Variants in NAB1 observed in about 807,000 individuals in gnomAD.
NAB1 encodes the protein NGFI-A binding protein 1.
Under a neutral mutation model 49.9 loss-of-function variants are expected in NAB1, and 25 were observed. The observed-to-expected ratio is 0.50, with a 90% CI of 0.37 to 0.70. NAB1 has a LOEUF of 0.70. Ranked by LOEUF, NAB1 falls within the 30% of genes least tolerant of loss-of-function variation. NAB1 has a pLI of 0.00. For missense variants in NAB1, 489 were observed against 575.9 expected, an observed-to-expected ratio of 0.85 and a Z score of 1.54; for synonymous variants, 198 against 215.6, an observed-to-expected ratio of 0.92 and a Z score of 0.71.
At chr2:190,661,505 TAC>T (rs1244063645) in intron 4 of NAB1, among the ~76,000 whole-genome samples, 5 of 152,216 alleles carry the variant, frequency 3.3e-5, no homozygotes, top group Non-Finnish European at 7.4e-5. Context: ...TGAGTCGAAA[TAC>T]ATGTGTTTTT....
rs996852372 is a variant in NAB1 at position 190,666,469 on chromosome 2, G to A, written c.820-3857G>A. Among the ~76,000 whole-genome samples the A allele has an allele frequency of 2.0e-5, 3 of 152,198 alleles. No homozygotes were observed. Among genetic ancestry groups the A allele is most frequent in the African/African-American group, 7.2e-5 (3 of 41,436 alleles). Reference sequence around the variant, plus strand: ...CGCCTGTAATCCCAGCACTTTGGGAGGCCAAGGTGGGTGGATTGCTTGAGG... The same window carrying A: ...CGCCTGTAATCCCAGCACTTTGGGAAGCCAAGGTGGGTGGATTGCTTGAGG... On this transcript the variant is annotated intron_variant, in intron 4 of 9. Transcript: ENST00000337386. This position sits in a 1 kb window ranked among gnomAD's most constrained non-coding sequence, Gnocchi z 5.6.
intron 6 of NAB1, among the ~76,000 whole-genome samples, chr2:190,681,230 T>C (rs967371443): frequency 6.6e-6 from 1 of 152,212 alleles, no homozygotes; most frequent in Non-Finnish European, 1.5e-5. Context: ...TTGTCTGTGA[T>C]GAAGATTAAA....
intron 5 of NAB1, among the ~76,000 whole-genome samples, chr2:190,671,995 CG>C (rs1271010114): frequency 1.3e-5 from 2 of 152,010 alleles, no homozygotes; most frequent in African/African-American, 4.8e-5. Context: ...AGGATGGTCT[CG>C]ATCTCTTGAC....
chr2:190,659,021 G>A lies in NAB1; in HGVS notation c.-19-137G>A, dbSNP rs1316106840. ...TTCAGAATGAGATAAAGTATGTAGAGAGAATGCTGCCTTCACAGGCAGTCA... is the reference window on the plus strand; with the variant it reads ...TTCAGAATGAGATAAAGTATGTAGAAAGAATGCTGCCTTCACAGGCAGTCA... On this transcript the variant is annotated intron_variant, in intron 3 of 9. Transcript: ENST00000337386. The surrounding 1 kb of genome is among the most constrained non-coding windows in gnomAD (Gnocchi z 6.2). The A allele has an allele frequency of 8.2e-6, 5 of 613,206 alleles. No individual in the cohort carries two copies. The highest frequency in any genetic ancestry group is 1.8e-5 in the African/African-American group (1 of 54,152). 38.0% of individuals were successfully genotyped at this position (613,206 alleles called of 1,614,324 possible). A position where few individuals can be genotyped will look rare whatever the true frequency, so the allele number is the denominator to read the frequency against.
At chr2:190,664,992 T>C (rs1694439428) in intron 4 of NAB1, among the ~76,000 whole-genome samples, 1 of 152,188 alleles carries the variant, frequency 6.6e-6, no homozygotes, top group Non-Finnish European at 1.5e-5. Context: ...ATTAGCTTCC[T>C]TCTATCGAAA....
chr2:190,653,554 G>A (rs1349639212), intron 2 of NAB1, among the ~76,000 whole-genome samples: 1 of 152,132 alleles, frequency 6.6e-6, no homozygotes, highest in Non-Finnish European at 1.5e-5. Flanking sequence ...CCCACTCCTG[G>A]AAGTGTGTTC....
At position 190,659,736 on chromosome 2, in the gene NAB1, G is replaced by T; in HGVS notation, c.560G>T (p.Ser187Ile). Reference protein sequence around the residue: ...DLGSPASPKESSEALDAAAAL... With the variant: ...DLGSPASPKEISEALDAAAAL... ...GGCTCCCCCGCGTCCCCAAAGGAGA[G>T]CAGTGAGGCGCTGGATGCTGCTGCT... is the stretch of plus-strand genomic sequence containing the variant. Residue 187 changes from serine (S) to isoleucine (I), a missense_variant, in exon 4 of 10, where the codon AGC (serine) becomes ATC (isoleucine). Physicochemically the swap from Ser to Ile is moderately radical, Grantham distance 142. Around this residue, in one of 4 missense-constraint regions of NAB1, gnomAD observed 204 missense variants for 220.9 expected, o/e 0.92. Coordinates refer to ENST00000337386, the MANE Select transcript of NAB1 (RefSeq NM_005966.4). The surrounding 1 kb of genome is among the most constrained non-coding windows in gnomAD (Gnocchi z 6.2). The T allele has an allele frequency of 1.2e-6, 2 of 1,614,038 alleles. No individual in the cohort carries two copies. The highest frequency in any genetic ancestry group is 1.7e-6 in the Non-Finnish European group (2 of 1,179,956).
At chr2:190,661,671 T>C (rs1034781212) in intron 4 of NAB1, among the ~76,000 whole-genome samples, 2 of 152,176 alleles carry the variant, frequency 1.3e-5, no homozygotes, top group Admixed American at 6.5e-5. Flanking sequence ...TAGGTACATA[T>C]GATATTTAAG....
rs1329090390 is a variant in NAB1 at position 190,682,893 on chromosome 2, G to A, written c.1006-845G>A. The stretch of plus-strand genomic sequence containing the variant: ...TATAGGTTTAGCGAAAGTACATAAG[G>A]CACAAAAATATCATCTCTGCAGTAA... On this transcript the variant is annotated intron_variant, in intron 6 of 9. Transcript: ENST00000337386. This position sits in a 1 kb window ranked among gnomAD's most constrained non-coding sequence, Gnocchi z 4.1. Among the ~76,000 whole-genome samples the A allele has an allele frequency of 2.7e-4, 41 of 152,098 alleles. 1 individual carries two copies. The highest frequency in any genetic ancestry group is 2.7e-3 in the Admixed American group (41 of 15,268).
At chr2:190,683,174 A>G (rs1695432982) in intron 6 of NAB1, among the ~76,000 whole-genome samples, 1 of 151,894 alleles carries the variant, frequency 6.6e-6, no homozygotes, top group Non-Finnish European at 1.5e-5. Flanking sequence ...GCAGTGGTGC[A>G]GTCTCGGCTC....
chr2:190,661,580 C>A (rs779871749), intron 4 of NAB1, among the ~76,000 whole-genome samples: 1 of 152,046 alleles, frequency 6.6e-6, no homozygotes. Context: ...AAAAAAAAAT[C>A]ATACCCTACT....
Position 190,686,429 on chromosome 2 carries a change from G to A in NAB1, c.1259-772G>A, listed in dbSNP as rs1467972915. On this transcript the variant is annotated intron_variant, in intron 8 of 9. Transcript: ENST00000337386. This position sits in a 1 kb window ranked among gnomAD's most constrained non-coding sequence, Gnocchi z 5.5. Reference sequence around the variant, plus strand: ...ACTTTTCTAGAGAGTGGTTATTATTGTAAAAAAATAAAAGGATTCCTAGGT... The same window carrying A: ...ACTTTTCTAGAGAGTGGTTATTATTATAAAAAAATAAAAGGATTCCTAGGT... Among the ~76,000 whole-genome samples the A allele has an allele frequency of 6.6e-6, 1 of 152,058 alleles. No homozygotes were observed. The highest frequency in any genetic ancestry group is 1.9e-4 in the East Asian group (1 of 5,192).
rs369917088 is a variant in NAB1 at position 190,690,317 on chromosome 2, C to T, written c.1448C>T (p.Pro483Leu). 123 of 1,610,956 alleles carry T rather than the reference C, an allele frequency of 7.6e-5. No homozygotes were observed. The highest frequency in any genetic ancestry group is 1.0e-4 in the Non-Finnish European group (119 of 1,177,954). ...GAAAAGAAAGTCATCAAAACAGAGC[C>T]TGAAGATTCAAGATAGCTGTGATTT... ...TLEKKVIKTEPEDSR is the reference protein window; with the variant it reads ...TLEKKVIKTELEDSR The change falls in exon 10 of 10, where the codon CCT becomes CTT. Residue 483 changes from proline to leucine, a missense_variant. Pro to Leu is a moderately conservative substitution (Grantham distance 98, BLOSUM62 -3). Coordinates refer to ENST00000337386, the MANE Select transcript of NAB1 (RefSeq NM_005966.4).
Position 190,685,559 on chromosome 2 carries a change from G to A in NAB1, c.1179G>A (p.Arg393=). 6.2e-7 allele frequency: 1 copy of A among 1,614,124 alleles called. No individual in the cohort carries two copies. The highest frequency in any genetic ancestry group is 8.5e-7 in the Non-Finnish European group (1 of 1,179,998). ...AGAGACTGCAGCATGCCGAGAGGAG[G>A]TTGTCTGCAGGGCTTTACAGGCAGA... ...GYERLQHAER[R]LSAGLYRQSS... Residue 393 remains arginine (R), a synonymous_variant, in exon 8 of 10, where the codon AGG becomes AGA. Coordinates refer to ENST00000337386, the MANE Select transcript of NAB1 (RefSeq NM_005966.4). This position sits in a 1 kb window ranked among gnomAD's most constrained non-coding sequence, Gnocchi z 4.5.
chr2:190,666,691 T>G lies in NAB1; in HGVS notation c.820-3635T>G, dbSNP rs1694538462. Among the ~76,000 whole-genome samples the G allele has an allele frequency of 6.7e-6, 1 of 150,030 alleles. No homozygotes were observed. Among genetic ancestry groups the G allele is most frequent in the South Asian group, 2.1e-4 (1 of 4,766 alleles). ...CTGGGAGACAGAGTGAGACTCCATC[T>G]CAAAAAAAAAAGAAAAAGGAAGCGA... On this transcript the variant is annotated intron_variant, in intron 4 of 9. Transcript: ENST00000337386. The surrounding 1 kb of genome is among the most constrained non-coding windows in gnomAD (Gnocchi z 5.6).
chr2:190,661,857 A>T (rs911404758), intron 4 of NAB1, among the ~76,000 whole-genome samples: 7 of 152,214 alleles, frequency 4.6e-5, no homozygotes, highest in Non-Finnish European at 8.8e-5. Flanking sequence ...GTTTAGGATA[A>T]ATGTTTGTGA....
chr2:190,658,726 C>T (rs1165488647), intron 3 of NAB1, among the ~76,000 whole-genome samples: 3 of 152,164 alleles, frequency 2.0e-5, no homozygotes, highest in African/African-American at 4.8e-5. Flanking sequence ...ATTAGACATA[C>T]GTAATGTAAA....
At position 190,679,315 on chromosome 2, in the gene NAB1, T is replaced by C. The variant is rs1304816940; in HGVS notation, c.1006-4423T>C. ...TGATAGCTACTCGATTTTGTAGTTTTTCCATCCACAGTGAACTGTCAAGAC... is the reference window on the plus strand; with the variant it reads ...TGATAGCTACTCGATTTTGTAGTTTCTCCATCCACAGTGAACTGTCAAGAC... On this transcript the variant is annotated intron_variant, in intron 6 of 9. Transcript: ENST00000337386. The surrounding 1 kb of genome is among the most constrained non-coding windows in gnomAD (Gnocchi z 5.3). 6.6e-6 allele frequency among the ~76,000 whole-genome samples: 1 copy of C among 152,260 alleles called. No individual in the cohort carries two copies. The highest frequency in any genetic ancestry group is 2.4e-5 in the African/African-American group (1 of 41,468).
At chr2:190,653,165 C>G (rs1423768292) in intron 2 of NAB1, among the ~76,000 whole-genome samples, 2 of 152,174 alleles carry the variant, frequency 1.3e-5, no homozygotes, top group South Asian at 2.1e-4. Context: ...TTTCACCCTT[C>G]TCTCAGGCCC....
Sources: gnomAD v4.1 joint callset for allele counts (sites outside exome capture counted in the v4.1 genomes callset) on GRCh38, gnomAD v4.1.1 for gene constraint, gnomAD v4.1.1 regional missense constraint, Gnocchi (gnomAD v3.1) non-coding constraint, MANE v1.5 for transcripts, NCBI Gene and HGNC (gene_info 2026-07-23, HGNC 2026-07-21) for gene names.